The following TRIM34 variants were observed in gnomAD, a reference collection of about 807,000 sequenced individuals.
TRIM34 encodes the protein E3 ubiquitin-protein ligase TRIM34.
TRIM34 carries 41 observed loss-of-function variants against 38.1 expected under a neutral mutation model. The observed-to-expected ratio is 1.08, with a 90% CI of 0.84 to 1.40. The LOEUF (loss-of-function observed/expected upper bound fraction) is 1.40. Ranked by LOEUF, TRIM34 falls within the 40% of genes most tolerant of loss-of-function variation. The probability of loss-of-function intolerance (pLI) is 0.00; values close to 1 mark genes in which losing one functional copy is unlikely to be tolerated. For missense variants in TRIM34, 556 were observed against 571.4 expected (o/e 0.97, Z 0.27); for synonymous variants, 200 against 202.5 (o/e 0.99, Z 0.10).
chr11:5,630,245 C>T (rs891721085), intron 1 of TRIM34, among the ~76,000 whole-genome samples: 13 of 152,214 alleles, frequency 8.5e-5, no homozygotes, highest in Non-Finnish European at 8.8e-5. Context: ...ATGGTGATGG[C>T]GATGTGTTTT....
At chr11:5,641,599 G>T (rs1267584665) in intron 5 of TRIM34, among the ~76,000 whole-genome samples, 1 of 152,052 alleles carries the variant, frequency 6.6e-6, no homozygotes, top group Admixed American at 6.6e-5. Context: ...TATGTACTTT[G>T]CTTACTTAGA....
chr11:5,634,548 T>TATATA (rs1849640761), intron 3 of TRIM34, 83 bp from the exon 4 acceptor site: 3 of 987,924 alleles, frequency 3.0e-6, no homozygotes, highest in African/African-American at 3.5e-5. Flanking sequence ...TATATATATA[T>TATATA]TTCCCTACTG....
chr11:5,631,293 A>G (rs143855106), intron 1 of TRIM34, among the ~76,000 whole-genome samples: 1 of 152,300 alleles, frequency 6.6e-6, no homozygotes, highest in African/African-American at 2.4e-5. Context: ...CTGGATCCCA[A>G]TCTACTTCTT....
intron 6 of TRIM34, 130 bp from the exon 7 acceptor site, chr11:5,642,687 T>C: frequency 6.0e-6 from 8 of 1,336,818 alleles, no homozygotes; most frequent in Non-Finnish European, 7.8e-6. Context: ...GTCTCTGGTT[T>C]ATCTTTTTAA....
chr11:5,633,753 A>G, intron 2 of TRIM34, 51 bp from the exon 3 acceptor site: 2 of 1,564,802 alleles, frequency 1.3e-6, no homozygotes, highest in East Asian at 2.3e-5. Flanking sequence ...TCCTCTATCC[A>G]GATACTAAGA....
At chr11:5,636,503 A>T (rs1849740602) in intron 4 of TRIM34, among the ~76,000 whole-genome samples, 1 of 152,198 alleles carries the variant, frequency 6.6e-6, no homozygotes, top group Non-Finnish European at 1.5e-5. Context: ...GTAAAGGGCA[A>T]ATCTTATGGT....
At chr11:5,625,964 T>A (rs1247636496) in intron 1 of TRIM34, among the ~76,000 whole-genome samples, 1 of 152,276 alleles carries the variant, frequency 6.6e-6, no homozygotes, top group Non-Finnish European at 1.5e-5. Flanking sequence ...AAGAATTTGA[T>A]ATAGAGTATG....
chr11:5,639,604 G>A (rs1366388338), intron 4 of TRIM34, among the ~76,000 whole-genome samples: 7 of 149,152 alleles, frequency 4.7e-5, no homozygotes, highest in African/African-American at 1.5e-4. Context: ...CGCTTGAACC[G>A]GGGAGGTGGA....
rs1462018130 is a variant in TRIM34, at chr11:5,636,479, T to C, written c.750+1618T>C. Reference sequence around the variant, plus strand: ...TACATCGTGAATATTTTAAAGCCTGTTAAATTGTGCACTGTAAAGGGCAAA... The same window carrying C: ...TACATCGTGAATATTTTAAAGCCTGCTAAATTGTGCACTGTAAAGGGCAAA... On this transcript the variant is annotated intron_variant, in intron 4 of 7. Coordinates refer to ENST00000429814, the MANE Select transcript of TRIM34 (RefSeq NM_021616.6). Among the ~76,000 whole-genome samples, 3 of 152,222 alleles carry C rather than the reference T, an allele frequency of 2.0e-5. No homozygotes were observed. The East Asian group carries it at 5.8e-4, about 29-fold the overall frequency.
chr11:5,622,212 G>A (rs1449949351), upstream of TRIM34, among the ~76,000 whole-genome samples: 5 of 152,164 alleles, frequency 3.3e-5, no homozygotes, highest in Admixed American at 6.5e-5. Flanking sequence ...TCGGGAGGCC[G>A]AGGCAAGCAG....
Position 5,642,816 on chromosome 11 carries a change from G to T in TRIM34, c.875-1G>T, listed in dbSNP as rs370236266. On this transcript the variant is annotated splice_acceptor_variant, in intron 6 of 7. Coordinates refer to ENST00000429814, the MANE Select transcript of TRIM34 (RefSeq NM_021616.6). LOFTEE classifies it high-confidence loss of function. ...CATCACTGAATCTTTTATTATTTCAGAACTGACAGCTGTCCGGTGCTACTG... is the reference window on the plus strand; with the variant it reads ...CATCACTGAATCTTTTATTATTTCATAACTGACAGCTGTCCGGTGCTACTG... 186 of 1,613,748 alleles carry T rather than the reference G, an allele frequency of 1.2e-4. No individual in the cohort carries two copies. Among genetic ancestry groups the T allele is most frequent in the Non-Finnish European group, 1.5e-4 (179 of 1,179,930 alleles).
chr11:5,643,754 C>A lies in TRIM34; in HGVS notation c.*45C>A. On this transcript the variant is annotated 3_prime_UTR_variant, in exon 8 of 8. Coordinates refer to ENST00000429814, the MANE Select transcript of TRIM34 (RefSeq NM_021616.6). ...TACAACCCTTTGTCTTGACTTATCT[C>A]CTGCAACTGACTCATCTGCAACATT... 2 of 1,529,684 alleles carry A rather than the reference C, an allele frequency of 1.3e-6. No individual in the cohort carries two copies. Among genetic ancestry groups the A allele is most frequent in the Non-Finnish European group, 1.7e-6 (2 of 1,144,856 alleles). The allele number at this position is 1,529,684 out of a possible 1,614,324, so 94.8% of individuals were successfully genotyped here.
intron 4 of TRIM34, among the ~76,000 whole-genome samples, chr11:5,637,003 G>A (rs932481602): frequency 2.6e-4 from 40 of 152,072 alleles, no homozygotes; most frequent in African/African-American, 9.6e-4. Context: ...AAAATTAGCC[G>A]GGCATTTTAT....
intron 1 of TRIM34, among the ~76,000 whole-genome samples, chr11:5,627,683 A>T (rs1343798946): frequency 6.6e-6 from 1 of 152,204 alleles, no homozygotes; most frequent in African/African-American, 2.4e-5. Flanking sequence ...GAGTAGCTGA[A>T]GCAAGAACTC....
rs1849278029 is a variant in TRIM34 at position 5,627,087 on chromosome 11, G to A, written c.-78+2027G>A. Among the ~76,000 whole-genome samples the A allele has an allele frequency of 2.0e-5, 3 of 152,040 alleles. No homozygotes were observed. The South Asian group carries it at 6.2e-4, about 32-fold the overall frequency. ...CAGAGATGAGAGCAGAGTGAAGAAGGACAGTGATGGGTGGGCACAGTAGCT... is the reference window on the plus strand; with the variant it reads ...CAGAGATGAGAGCAGAGTGAAGAAGAACAGTGATGGGTGGGCACAGTAGCT... On this transcript the variant is annotated intron_variant, in intron 1 of 7. Transcript: ENST00000429814.
At chr11:5,635,210 T>C (rs1013227807) in intron 4 of TRIM34, among the ~76,000 whole-genome samples, 1 of 152,116 alleles carries the variant, frequency 6.6e-6, no homozygotes, top group Non-Finnish European at 1.5e-5. Flanking sequence ...GTGTTCTATT[T>C]AAGTTTAAAA....
intron 1 of TRIM34, among the ~76,000 whole-genome samples, chr11:5,628,567 G>C (rs1849342721): frequency 6.6e-6 from 1 of 152,062 alleles, no homozygotes; most frequent in South Asian, 2.1e-4. Flanking sequence ...GACAGGTCTC[G>C]AGGCCTAGGT....
At chr11:5,623,534 A>ATTTT (rs372066980), upstream of TRIM34, among the ~76,000 whole-genome samples, 80 of 126,614 alleles carry the variant, frequency 6.3e-4, no homozygotes, top group East Asian at 3.3e-3. Context: ...TGCCCGGCTA[A>ATTTT]TTTTTTTTTT....
At chr11:5,625,333 T>C (rs1227508451) in intron 1 of TRIM34, among the ~76,000 whole-genome samples, 2 of 152,138 alleles carry the variant, frequency 1.3e-5, no homozygotes, top group East Asian at 3.8e-4. Flanking sequence ...TCCATTCCCT[T>C]CCTATTGTAT....
Sources: allele counts gnomAD v4.1 joint callset (sites outside exome capture counted in the v4.1 genomes callset), GRCh38; gene constraint gnomAD v4.1.1; transcripts MANE v1.5; gene names NCBI Gene and HGNC (gene_info 2026-07-23, HGNC 2026-07-21).